The following SYN3 variants were observed in gnomAD, a reference collection of about 807,000 sequenced individuals.
SYN3 encodes synapsin-3.
In SYN3, 35 loss-of-function variants were observed where a neutral mutation model predicts 65.8. The ratio of observed to expected loss-of-function variants is 0.53; its 90% confidence interval spans 0.41 to 0.70. The LOEUF is 0.70. Among genes scored for constraint, SYN3 ranks in the 30% least tolerant of loss-of-function variants. The pLI, the probability that SYN3 is intolerant of heterozygous loss-of-function variation, is 0.00. For synonymous variants in SYN3, 270 were observed against 292.9 expected (o/e 0.92, Z 0.80); for missense variants, 680 against 749.0 (o/e 0.91, Z 1.08).
At chr22:33,045,132 C>T (rs571212704) in intron 1 of SYN3, among the ~76,000 whole-genome samples, 51 of 152,038 alleles carry the variant, frequency 3.4e-4, no homozygotes, top group Admixed American at 2.4e-3. Flanking sequence ...CATGAGCCAC[C>T]GCGCCCAGCC....
chr22:33,021,863 G>A lies in SYN3; in HGVS notation c.-162-15039C>T, dbSNP rs145947883. Reference sequence around the variant, plus strand: ...AAGCTCCCCAGGGAGAGAGACCATCGTCTGACTTGTCCACTGATGTACTCT... The same window carrying A: ...AAGCTCCCCAGGGAGAGAGACCATCATCTGACTTGTCCACTGATGTACTCT... On this transcript the variant is annotated intron_variant, in intron 1 of 13. Transcript: ENST00000358763. 8.9e-3 allele frequency among the ~76,000 whole-genome samples: 1,333 copies of A among 150,050 alleles called. 20 individuals carry two copies. Among genetic ancestry groups the A allele is most frequent in the South Asian group, 0.062 (296 of 4,754 alleles).
intron 4 of SYN3, among the ~76,000 whole-genome samples, chr22:32,872,816 G>A (rs1031592283): frequency 2.6e-5 from 4 of 152,104 alleles, no homozygotes; most frequent in African/African-American, 9.7e-5. Flanking sequence ...AGTAGTTACC[G>A]AGCCTCGACA....
intron 6 of SYN3, among the ~76,000 whole-genome samples, chr22:32,697,974 C>T (rs2060760610): frequency 6.6e-6 from 1 of 152,120 alleles, no homozygotes; most frequent in African/African-American, 2.4e-5. Flanking sequence ...TCCCCCGGGC[C>T]ATTCTAAGTT....
chr22:32,677,351 G>C (rs2060460435), intron 6 of SYN3, among the ~76,000 whole-genome samples: 1 of 152,188 alleles, frequency 6.6e-6, no homozygotes, highest in Non-Finnish European at 1.5e-5. Context: ...TCTGTACTAG[G>C]ATGTTTACTG....
intron 6 of SYN3, among the ~76,000 whole-genome samples, chr22:32,785,950 T>A (rs2046182472): frequency 6.6e-6 from 1 of 152,002 alleles, no homozygotes; most frequent in South Asian, 2.1e-4. Context: ...CCTATGAGAC[T>A]TGGCCTGAGA....
chr22:32,824,296 A>G (rs930112626), intron 6 of SYN3, among the ~76,000 whole-genome samples: 2 of 149,394 alleles, frequency 1.3e-5, no homozygotes, highest in Non-Finnish European at 1.5e-5. Context: ...AAAAAAATAC[A>G]GTGCCATCTC....
chr22:32,677,287 C>T (rs984351942), intron 6 of SYN3, among the ~76,000 whole-genome samples: 25 of 141,934 alleles, frequency 1.8e-4, no homozygotes, highest in Admixed American at 1.4e-3. Flanking sequence ...ATCCAGCTTT[C>T]GAGGAGTGTG....
At chr22:32,674,195 T>C (rs925687056) in intron 6 of SYN3, among the ~76,000 whole-genome samples, 1 of 152,058 alleles carries the variant, frequency 6.6e-6, no homozygotes, top group Non-Finnish European at 1.5e-5. Flanking sequence ...GAGACTGAGA[T>C]TGTTTTCCAA....
intron 3 of SYN3, among the ~76,000 whole-genome samples, chr22:32,942,779 C>G (rs561699054): frequency 6.6e-6 from 1 of 152,106 alleles, no homozygotes; most frequent in Non-Finnish European, 1.5e-5. Context: ...AACCATGGCA[C>G]GAGAACTACG....
chr22:32,749,446 C>G (rs1349432585), intron 6 of SYN3, among the ~76,000 whole-genome samples: 4 of 152,016 alleles, frequency 2.6e-5, no homozygotes, highest in Non-Finnish European at 5.9e-5. Context: ...TCAAGACCAG[C>G]CTGGCCAAGA....
intron 1 of SYN3, among the ~76,000 whole-genome samples, chr22:33,038,990 T>C (rs887942212): frequency 1.3e-5 from 2 of 152,162 alleles, no homozygotes; most frequent in African/African-American, 4.8e-5. Flanking sequence ...GGGCAGGAAT[T>C]CCTGCTTCAA....
intron 6 of SYN3, among the ~76,000 whole-genome samples, chr22:32,676,737 G>T (rs1197462974): frequency 6.7e-6 from 1 of 150,224 alleles, no homozygotes; most frequent in East Asian, 2.0e-4. Context: ...TAGAGACGGG[G>T]TTTCACCGTG....
At chr22:32,535,143 G>T (rs911678426) in intron 9 of SYN3, among the ~76,000 whole-genome samples, 1 of 152,136 alleles carries the variant, frequency 6.6e-6, no homozygotes, top group Non-Finnish European at 1.5e-5. Flanking sequence ...TGACTGTACC[G>T]CTTCCAAATC....
At chr22:32,675,557 CT>C (rs2060428420) in intron 6 of SYN3, among the ~76,000 whole-genome samples, 1 of 152,182 alleles carries the variant, frequency 6.6e-6, no homozygotes, top group Non-Finnish European at 1.5e-5. Flanking sequence ...TCCTGCAACT[CT>C]GCACCCCACC....
At chr22:32,739,795 C>G (rs1352504347) in intron 6 of SYN3, among the ~76,000 whole-genome samples, 3 of 152,198 alleles carry the variant, frequency 2.0e-5, no homozygotes, top group African/African-American at 7.2e-5. Flanking sequence ...AGTATTACCC[C>G]TAGTTACATG....
chr22:32,880,301 C>T (rs1022519132), intron 4 of SYN3, among the ~76,000 whole-genome samples: 1 of 152,148 alleles, frequency 6.6e-6, no homozygotes, highest in Non-Finnish European at 1.5e-5. Context: ...TAGGGATTTG[C>T]AAGCCAGTGA....
intron 3 of SYN3, among the ~76,000 whole-genome samples, chr22:32,951,593 C>A (rs2146827814): frequency 6.6e-6 from 1 of 152,300 alleles, no homozygotes; most frequent in African/African-American, 2.4e-5. Flanking sequence ...TGAACCAATG[C>A]CCATTTTGCA....
intron 7 of SYN3, among the ~76,000 whole-genome samples, chr22:32,543,027 A>G (rs3788453): frequency 0.46 from 69,649 of 151,662 alleles, 16,525 homozygotes; most frequent in East Asian, 0.73. Context: ...GCCGGGCACT[A>G]GGCGGTCCAC....
At chr22:32,513,879 ATGGGTCT>A in intron 13 of SYN3, 55 bp from the exon 14 acceptor site, 3 of 1,608,392 alleles carry the variant, frequency 1.9e-6, no homozygotes, top group Non-Finnish European at 2.5e-6. Flanking sequence ...TATCAAAGAA[ATGGGTCT>A]TGGGGGCTTG....
Sources: allele counts gnomAD v4.1 joint callset (sites outside exome capture counted in the v4.1 genomes callset), GRCh38; gene constraint gnomAD v4.1.1; transcripts MANE v1.5; gene names NCBI Gene and HGNC (gene_info 2026-07-23, HGNC 2026-07-21).